Variants in PPP2R2C observed in about 807,000 individuals in gnomAD.
PPP2R2C encodes protein phosphatase 2, regulatory subunit B, gamma.
Under a neutral mutation model 45.3 loss-of-function variants are expected in PPP2R2C, and 10 were observed. That is an observed-to-expected ratio of 0.22 (90% CI 0.14 to 0.37). The LOEUF is 0.37. Ranked by LOEUF, PPP2R2C falls within the 10% of genes least tolerant of loss-of-function variation. PPP2R2C has a pLI of 1.00. For synonymous variants in PPP2R2C, 257 were observed against 245.4 expected, an observed-to-expected ratio of 1.05 and a Z score of -0.44; for missense variants, 308 against 619.7, an observed-to-expected ratio of 0.50 and a Z score of 5.34.
chr4:6,433,984 C>T (rs997979801), intron 1 of PPP2R2C, among the ~76,000 whole-genome samples: 4 of 152,198 alleles, frequency 2.6e-5, no homozygotes, highest in Non-Finnish European at 4.4e-5. Flanking sequence ...CCCTTAGGCC[C>T]TTCTCCCACT....
At chr4:6,490,199 C>G (rs780752532) in intron 2 of PPP2R2C, among the ~76,000 whole-genome samples, 22 of 152,232 alleles carry the variant, frequency 1.4e-4, no homozygotes, top group Non-Finnish European at 2.8e-4. Context: ...GTCAGGAAAA[C>G]AAGACTCCAA....
intron 5 of PPP2R2C, among the ~76,000 whole-genome samples, chr4:6,354,994 TCTC>T (rs1577099623): frequency 6.6e-6 from 1 of 152,134 alleles, no homozygotes; most frequent in Non-Finnish European, 1.5e-5. Flanking sequence ...CTCCTGTAAA[TCTC>T]CTCTGCCCCT....
chr4:6,441,613 T>A (rs948526066), intron 1 of PPP2R2C, among the ~76,000 whole-genome samples: 1 of 152,226 alleles, frequency 6.6e-6, no homozygotes, highest in African/African-American at 2.4e-5. Flanking sequence ...ACGTGTCACC[T>A]GCAGGACACA....
rs113120398 is a variant in PPP2R2C, at chr4:6,462,100, G to A, written c.70+10060C>T. 5.9e-3 allele frequency among the ~76,000 whole-genome samples: 905 copies of A among 152,364 alleles called. 8 individuals are homozygous for A. Among genetic ancestry groups the A allele is most frequent in the African/African-American group, 0.02 (849 of 41,580 alleles). On this transcript the variant is annotated intron_variant, in intron 1 of 8. Coordinates refer to ENST00000382599, the MANE Select transcript of PPP2R2C (RefSeq NM_020416.4). The stretch of plus-strand genomic sequence containing the variant: ...CGAGGGCACCACTCTGCAGAAAGGG[G>A]TCCTGGAGGAGAGAGGGGCAGCCCC...
intron 1 of PPP2R2C, among the ~76,000 whole-genome samples, chr4:6,470,621 G>C (rs918859358): frequency 7.2e-5 from 11 of 152,192 alleles, no homozygotes; most frequent in Non-Finnish European, 1.3e-4. Flanking sequence ...ACCGAGGCAC[G>C]GGCCAGCAAC....
rs942949042 is a variant in PPP2R2C, at chr4:6,384,749, C to G, written c.71-3655G>C. 6 of 985,342 alleles carry G rather than the reference C, an allele frequency of 6.1e-6. No homozygotes were observed. The African/African-American group carries it at 1.0e-4, about 17-fold the overall frequency. The allele number at this position is 985,342 out of a possible 1,614,324, so 61.0% of individuals were successfully genotyped here. On this transcript the variant is annotated intron_variant, in intron 1 of 8. Coordinates refer to ENST00000382599, the MANE Select transcript of PPP2R2C (RefSeq NM_020416.4). The stretch of plus-strand genomic sequence containing the variant: ...TATGTCATTTTCATATCTGCTACCT[C>G]CTTTAACCTCACGCCAGCCCCTGCG...
chr4:6,519,145 C>A (rs985747204), intron 2 of PPP2R2C, among the ~76,000 whole-genome samples: 1 of 152,208 alleles, frequency 6.6e-6, no homozygotes, highest in South Asian at 2.1e-4. Flanking sequence ...GAGAGGGGAG[C>A]ATTCTGCCAC....
intron 6 of PPP2R2C, among the ~76,000 whole-genome samples, chr4:6,341,101 G>T (rs1733406838): frequency 6.6e-6 from 1 of 152,218 alleles, no homozygotes; most frequent in African/African-American, 2.4e-5. Context: ...CAGCACTTTG[G>T]GAGGCCGAAG....
rs202026671 is a variant in PPP2R2C at position 6,378,562 on chromosome 4, G to A, written c.179C>T (p.Ala60Val). 21 of 1,613,268 alleles carry A rather than the reference G, an allele frequency of 1.3e-5. No homozygotes were observed. The highest frequency in any genetic ancestry group is 1.6e-5 in the Non-Finnish European group (19 of 1,179,548). ...IFQREPESKN[A>V]PHSQGEYDVY... is the part of the protein sequence containing the mutation. ...GTCGTATTCGCCCTGGCTGTGGGGC[G>A]CATTTTTACTCTGCAGGGAAACCCG... Residue 60 changes from alanine (A) to valine (V), a missense_variant, in exon 3 of 9, where the codon GCG becomes GTG. Ala to Val is a moderately conservative substitution (Grantham distance 64). Transcript: ENST00000382599. This position sits in a 1 kb window ranked among gnomAD's most constrained non-coding sequence, Gnocchi z 5.2.
At chr4:6,531,519 C>T (rs1407573470) in intron 2 of PPP2R2C, among the ~76,000 whole-genome samples, 1 of 151,214 alleles carries the variant, frequency 6.6e-6, no homozygotes, top group Non-Finnish European at 1.5e-5. Context: ...GGGAGCAAAG[C>T]GGGAATGAGC....
At chr4:6,337,807 T>TGGC (rs1293353089) in intron 6 of PPP2R2C, among the ~76,000 whole-genome samples, 8 of 114,628 alleles carry the variant, frequency 7.0e-5, no homozygotes, top group Admixed American at 5.1e-4. Context: ...GCCCCACTGC[T>TGGC]GGCTGTACTC....
intron 2 of PPP2R2C, among the ~76,000 whole-genome samples, chr4:6,498,887 T>G (rs935432833): frequency 1.3e-5 from 2 of 152,156 alleles, no homozygotes; most frequent in African/African-American, 4.8e-5. Flanking sequence ...TCTGATCTTT[T>G]TGGTGACAGA....
At chr4:6,339,870 C>T (rs1378675381) in intron 6 of PPP2R2C, among the ~76,000 whole-genome samples, 6 of 152,210 alleles carry the variant, frequency 3.9e-5, no homozygotes, top group South Asian at 4.1e-4. Context: ...GCTGGCCTCA[C>T]CTCAGGCCGC....
At chr4:6,466,066 A>T (rs1721575843) in intron 1 of PPP2R2C, among the ~76,000 whole-genome samples, 1 of 152,240 alleles carries the variant, frequency 6.6e-6, no homozygotes, top group South Asian at 2.1e-4. Context: ...AAGTCACTGC[A>T]TGAGAACATC....
intron 1 of PPP2R2C, among the ~76,000 whole-genome samples, chr4:6,552,011 T>C (rs1428070063): frequency 6.6e-6 from 1 of 152,116 alleles, no homozygotes; most frequent in African/African-American, 2.4e-5. Flanking sequence ...AAAGATGATG[T>C]GAGTGAAGAT....
chr4:6,540,931 T>C (rs1013244921), intron 1 of PPP2R2C, among the ~76,000 whole-genome samples: 1 of 152,248 alleles, frequency 6.6e-6, no homozygotes, highest in African/African-American at 2.4e-5. Context: ...GGAGCAGAAC[T>C]CTGTGTTGTG....
At chr4:6,522,679 G>A (rs1174270189) in intron 2 of PPP2R2C, among the ~76,000 whole-genome samples, 1 of 152,282 alleles carries the variant, frequency 6.6e-6, no homozygotes, top group African/African-American at 2.4e-5. Context: ...CACAGGGCAC[G>A]GAGGGACCAG....
chr4:6,502,238 G>A (rs939671849), intron 2 of PPP2R2C, among the ~76,000 whole-genome samples: 35 of 152,214 alleles, frequency 2.3e-4, no homozygotes, highest in Admixed American at 7.2e-4. Flanking sequence ...ACTGGGGACC[G>A]TCAAGCCAAG....
intron 6 of PPP2R2C, among the ~76,000 whole-genome samples, chr4:6,338,858 C>T (rs547675344): frequency 1.3e-5 from 2 of 152,228 alleles, no homozygotes; most frequent in Admixed American, 6.5e-5. Context: ...ATGCATCGTG[C>T]TCTGTGTGAC....
Sources: allele counts gnomAD v4.1 joint callset (sites outside exome capture counted in the v4.1 genomes callset), GRCh38; gene constraint gnomAD v4.1.1; non-coding constraint Gnocchi (gnomAD v3.1); transcripts MANE v1.5; gene names NCBI Gene and HGNC (gene_info 2026-07-23, HGNC 2026-07-21).